The following EIF5B variants were observed in gnomAD, a reference collection of about 807,000 sequenced individuals.
EIF5B encodes eIF-5B.
A neutral mutation model predicts 147.5 loss-of-function variants in EIF5B; 47 were observed. The ratio of observed to expected loss-of-function variants is 0.32; its 90% CI spans 0.25 to 0.41. EIF5B has a LOEUF of 0.41. Among genes scored for constraint, EIF5B ranks in the 10% least tolerant of loss-of-function variants. The pLI is 1.00. For missense variants in EIF5B, 1,064 were observed against 1,413.2 expected (o/e 0.75, Z 3.96); for synonymous variants, 455 against 456.2 (o/e 1.00, Z 0.03).
At chr2:99,381,269 C>T (rs1255452044) in intron 12 of EIF5B, among the ~76,000 whole-genome samples, 1 of 152,036 alleles carries the variant, frequency 6.6e-6, no homozygotes, top group Non-Finnish European at 1.5e-5. Context: ...TATTTTAGAA[C>T]GTAAGGAACA....
intron 10 of EIF5B, among the ~76,000 whole-genome samples, chr2:99,376,858 A>G (rs1397513311): frequency 2.0e-5 from 3 of 151,978 alleles, no homozygotes; most frequent in Non-Finnish European, 4.4e-5. Flanking sequence ...TGACTACTTC[A>G]TTTTTTTCTT....
intron 8 of EIF5B, 30 bp from the exon 9 acceptor site, chr2:99,371,626 T>C (rs1016629868): frequency 1.7e-5 from 27 of 1,589,030 alleles, no homozygotes; most frequent in Non-Finnish European, 2.3e-5. Context: ...AAATAATTTT[T>C]GTGTCTTAAA....
At chr2:99,355,892 C>T (rs2309576) in intron 1 of EIF5B, among the ~76,000 whole-genome samples, 66,394 of 151,894 alleles carry the variant, frequency 0.44, 14,791 homozygotes, top group Admixed American at 0.57. Flanking sequence ...GGATTACAGG[C>T]GTGAGGCACT....
At chr2:99,347,566 C>G (rs1324214958) in intron 1 of EIF5B, among the ~76,000 whole-genome samples, 1 of 151,386 alleles carries the variant, frequency 6.6e-6, no homozygotes, top group African/African-American at 2.4e-5. Flanking sequence ...GATACTGATG[C>G]TGCTTGTCCT....
intron 4 of EIF5B, among the ~76,000 whole-genome samples, chr2:99,362,506 CT>C (rs1674239566): frequency 1.3e-5 from 2 of 152,032 alleles, no homozygotes. Context: ...ATAGACCATC[CT>C]GGCTAACATG....
At position 99,360,275 on chromosome 2, in the gene EIF5B, A is replaced by C; in HGVS notation, c.75A>C (p.Glu25Asp). 1.2e-6 allele frequency: 2 copies of C among 1,608,724 alleles called. No homozygotes were observed. The highest frequency in any genetic ancestry group is 1.7e-6 in the Non-Finnish European group (2 of 1,178,518). Residue 25 changes from glutamate to aspartate, a missense_variant, in exon 2 of 24, where the codon GAA (glutamate) becomes GAC (aspartate). Physicochemically the swap from Glu to Asp is conservative, Grantham distance 45. This residue lies in a region of EIF5B where 458 missense variants were observed against 451.3 expected (regional missense o/e 1.01). Transcript: ENST00000289371. ...DDIDLDALAA[E>D]IEGAGAAKEQ... ...TTGATCTTGATGCCTTGGCTGCAGA[A>C]ATAGAAGGAGCTGGTGCTGCCAAAG...
intron 6 of EIF5B, among the ~76,000 whole-genome samples, chr2:99,366,105 A>T (rs1157928440): frequency 1.3e-5 from 2 of 151,924 alleles, no homozygotes; most frequent in African/African-American, 4.8e-5. Flanking sequence ...ACACACATAT[A>T]TGAGTACTTT....
At chr2:99,342,190 G>A (rs1461760508) in intron 1 of EIF5B, among the ~76,000 whole-genome samples, 2 of 151,966 alleles carry the variant, frequency 1.3e-5, no homozygotes, top group Non-Finnish European at 2.9e-5. Context: ...GACATCTGTG[G>A]GCATGTTAAT....
intron 1 of EIF5B, among the ~76,000 whole-genome samples, chr2:99,339,240 C>T (rs1358984092): frequency 2.0e-5 from 3 of 151,326 alleles, no homozygotes; most frequent in African/African-American, 4.9e-5. Flanking sequence ...CTCGAACTCC[C>T]GACCTCAGGT....
intron 21 of EIF5B, among the ~76,000 whole-genome samples, chr2:99,395,938 C>T (rs1468173300): frequency 6.6e-6 from 1 of 152,090 alleles, no homozygotes; most frequent in African/African-American, 2.4e-5. Context: ...CTGAGTTTTG[C>T]AAGAAGCCAT....
intron 17 of EIF5B, among the ~76,000 whole-genome samples, chr2:99,392,224 G>A (rs1038431009): frequency 6.6e-6 from 1 of 151,636 alleles, no homozygotes; most frequent in Non-Finnish European, 1.5e-5. Context: ...ACAGGTGCAC[G>A]CCACCACACC....
intron 6 of EIF5B, among the ~76,000 whole-genome samples, chr2:99,367,431 C>CT (rs139007055): frequency 0.8 from 114,688 of 143,726 alleles, 46,640 homozygotes; most frequent in East Asian, 0.96. Flanking sequence ...AGTTGAAACT[C>CT]TTTTTTTTTT....
At chr2:99,385,531 C>T (rs7561079) in intron 14 of EIF5B, among the ~76,000 whole-genome samples, 94,043 of 152,086 alleles carry the variant, frequency 0.62, 29,872 homozygotes, top group African/African-American at 0.75. Context: ...GAATCAGGTG[C>T]TCGTTAGCAT....
intron 1 of EIF5B, among the ~76,000 whole-genome samples, chr2:99,343,245 C>T (rs1360651523): frequency 3.3e-5 from 5 of 150,914 alleles, no homozygotes; most frequent in East Asian, 1.9e-4. Flanking sequence ...TGTGAGCCAC[C>T]GCACCCAGCC....
chr2:99,343,481 C>T (rs1278426034), intron 1 of EIF5B, among the ~76,000 whole-genome samples: 1 of 151,896 alleles, frequency 6.6e-6, no homozygotes, highest in Non-Finnish European at 1.5e-5. Context: ...TAATCTGTTG[C>T]CAAATCCAGG....
intron 21 of EIF5B, among the ~76,000 whole-genome samples, chr2:99,395,325 G>T (rs1438911828): frequency 6.6e-6 from 1 of 152,182 alleles, no homozygotes; most frequent in Non-Finnish European, 1.5e-5. Context: ...CAGAGAACCA[G>T]GCCAGCCTCC....
At chr2:99,389,970 T>C (rs1252658680) in intron 15 of EIF5B, 121 bp downstream of exon 15, 1 of 1,354,332 alleles carries the variant, frequency 7.4e-7, no homozygotes, top group Non-Finnish European at 1.0e-6. Context: ...GCAATTACTT[T>C]TTTTAAATTC....
chr2:99,370,714 AC>A (rs1179327345), intron 8 of EIF5B, among the ~76,000 whole-genome samples: 1 of 152,214 alleles, frequency 6.6e-6, no homozygotes, highest in Non-Finnish European at 1.5e-5. Context: ...CACATGTCCT[AC>A]CCGTCATCTT....
chr2:99,387,135 T>A (rs987761732), intron 14 of EIF5B, among the ~76,000 whole-genome samples: 1 of 152,140 alleles, frequency 6.6e-6, no homozygotes, highest in Non-Finnish European at 1.5e-5. Context: ...CTTGAGCTCC[T>A]GACATCAAGT....
Sources: gnomAD v4.1 joint callset for allele counts (sites outside exome capture counted in the v4.1 genomes callset) on GRCh38, gnomAD v4.1.1 for gene constraint, gnomAD v4.1.1 regional missense constraint, MANE v1.5 for transcripts, NCBI Gene and HGNC (gene_info 2026-07-23, HGNC 2026-07-21) for gene names.